The following LAMA2 variants were observed in gnomAD, a reference collection of about 807,000 sequenced individuals.
The protein encoded by LAMA2 is laminin subunit alpha-2.
LAMA2 carries 269 observed loss-of-function variants against 364.8 expected under a neutral mutation model. The observed-to-expected ratio is 0.74, with a 90% CI of 0.67 to 0.82. LAMA2 has a LOEUF of 0.82. Among genes scored for constraint, LAMA2 ranks in the 40% least tolerant of loss-of-function variants. The probability of loss-of-function intolerance (pLI) is 0.00; values close to 1 mark genes in which losing one functional copy is unlikely to be tolerated. For missense variants in LAMA2, 3,807 were observed against 3,873.2 expected (o/e 0.98, Z 0.45); for synonymous variants, 1,379 against 1,370.6 (o/e 1.01, Z -0.14).
chr6:129,079,370 A>G (rs1250298456), intron 3 of LAMA2, among the ~76,000 whole-genome samples: 3 of 142,998 alleles, frequency 2.1e-5, no homozygotes, highest in Non-Finnish European at 4.6e-5. Flanking sequence ...TATGGGCTTC[A>G]CGCATTGAAT....
chr6:129,328,176 G>A (rs748712686), intron 28 of LAMA2, 102 bp from the exon 29 acceptor site: 32 of 994,542 alleles, frequency 3.2e-5, no homozygotes, highest in Non-Finnish European at 4.8e-5. Context: ...CCTGCCGCAG[G>A]TGGGGGAAGG....
intron 31 of LAMA2, among the ~76,000 whole-genome samples, chr6:129,349,953 A>T (rs1776767920): frequency 6.6e-6 from 1 of 152,180 alleles, no homozygotes; most frequent in South Asian, 2.1e-4. Context: ...CTCTTACCAT[A>T]TTGCTTATGA....
At chr6:129,427,712 T>C in intron 40 of LAMA2, 40 bp from the exon 41 acceptor site, 1 of 1,448,184 alleles carries the variant, frequency 6.9e-7, no homozygotes, top group Non-Finnish European at 9.7e-7. Context: ...TCCATTATTC[T>C]ATGGTTTTAG....
At chr6:129,142,330 A>T (rs1341041010) in intron 4 of LAMA2, among the ~76,000 whole-genome samples, 1 of 151,894 alleles carries the variant, frequency 6.6e-6, no homozygotes, top group Non-Finnish European at 1.5e-5. Context: ...TTTGGTGAGG[A>T]CTGTTTCGGG....
chr6:129,144,596 A>T (rs1778322324), intron 5 of LAMA2, among the ~76,000 whole-genome samples: 2 of 151,986 alleles, frequency 1.3e-5, no homozygotes. Flanking sequence ...GTTATGATTC[A>T]GTAGGGCAGA....
At chr6:129,155,651 C>T (rs1779069443) in intron 8 of LAMA2, among the ~76,000 whole-genome samples, 1 of 152,002 alleles carries the variant, frequency 6.6e-6, no homozygotes. Context: ...GAAGTTCTAG[C>T]ACCATTTGTT....
Position 129,353,270 on chromosome 6 carries a change from G to A in LAMA2, c.4630G>A (p.Gly1544Arg), listed in dbSNP as rs374207670. The change falls in exon 32 of 65, where the codon GGA becomes AGA. Residue 1544 changes from glycine to arginine, a missense_variant. By Grantham distance (125) the Gly-to-Arg change is moderately radical. Around this residue, in one of 3 missense-constraint regions of LAMA2, gnomAD observed 3,333 missense variants for 3,345.7 expected, o/e 1.00. Transcript: ENST00000421865. The stretch of plus-strand genomic sequence containing the variant: ...GCCTGTGCCCTGTGACCCTGTCACA[G>A]GATTCTGCACGTGCCGACCTGGAGC... ...SLPVPCDPVT[G>R]FCTCRPGATG... 6.2e-7 allele frequency: 1 copy of A among 1,613,982 alleles called. No individual in the cohort carries two copies. The highest frequency in any genetic ancestry group is 8.5e-7 in the Non-Finnish European group (1 of 1,180,006).
At chr6:129,218,365 T>C (rs1046591308) in intron 12 of LAMA2, among the ~76,000 whole-genome samples, 1 of 152,152 alleles carries the variant, frequency 6.6e-6, no homozygotes, top group Non-Finnish European at 1.5e-5. Context: ...CAGTATTCAA[T>C]GAAATTATAT....
At chr6:129,363,047 G>A (rs1403645225) in intron 32 of LAMA2, among the ~76,000 whole-genome samples, 2 of 152,144 alleles carry the variant, frequency 1.3e-5, no homozygotes, top group South Asian at 2.1e-4. Context: ...AGTGGTTCAC[G>A]CCTATGATCC....
At chr6:129,402,037 G>A (rs537084583) in intron 38 of LAMA2, among the ~76,000 whole-genome samples, 12 of 151,924 alleles carry the variant, frequency 7.9e-5, no homozygotes, top group African/African-American at 2.2e-4. Context: ...GCGAAACCCC[G>A]TCTCTATTAA....
At chr6:129,141,537 G>A (rs1377610761) in intron 4 of LAMA2, among the ~76,000 whole-genome samples, 1 of 151,950 alleles carries the variant, frequency 6.6e-6, no homozygotes, top group East Asian at 1.9e-4. Flanking sequence ...TATTCTTTGT[G>A]ACACCAGAAT....
chr6:129,208,567 AAAGAAAGAG>A (rs1782847849), intron 12 of LAMA2, among the ~76,000 whole-genome samples: 1 of 151,234 alleles, frequency 6.6e-6, no homozygotes, highest in South Asian at 2.1e-4. Flanking sequence ...AAAGAAAGAG[AAAGAAAGAG>A]AAAGAAAGGA....
At chr6:129,304,349 C>A (rs371494802) in intron 22 of LAMA2, among the ~76,000 whole-genome samples, 162 of 152,226 alleles carry the variant, frequency 1.1e-3, no homozygotes, top group African/African-American at 3.5e-3. Context: ...CTGCCAGCTC[C>A]GCCTCCCGGG....
chr6:128,987,146 T>TG lies in LAMA2; in HGVS notation c.113-62772_113-62771insG, dbSNP rs977586325. The stretch of plus-strand genomic sequence containing the variant: ...AGTTTGTTTTTTTTTTTTTGTTTTT[T>TG]TTTTTTTTTTGAGGCAGAGTCTCTC... On this transcript the variant is annotated intron_variant, in intron 1 of 64. Coordinates refer to ENST00000421865, the MANE Select transcript of LAMA2 (RefSeq NM_000426.4). 1.5e-4 allele frequency among the ~76,000 whole-genome samples: 21 copies of TG among 144,824 alleles called. No individual in the cohort carries two copies. In the South Asian group the frequency reaches 2.7e-3, roughly 18 times the overall value.
chr6:129,459,720 G>C (rs138989915), intron 48 of LAMA2, among the ~76,000 whole-genome samples: 2 of 152,030 alleles, frequency 1.3e-5, no homozygotes, highest in Non-Finnish European at 2.9e-5. Flanking sequence ...AGGGGAAAAA[G>C]CTTTGTGTAT....
chr6:129,093,697 G>T (rs907805241), intron 3 of LAMA2, among the ~76,000 whole-genome samples: 2 of 152,194 alleles, frequency 1.3e-5, no homozygotes, highest in African/African-American at 4.8e-5. Context: ...GTAATTAAAT[G>T]ATATTTTGTT....
At chr6:129,394,365 G>A (rs1408957889) in intron 37 of LAMA2, among the ~76,000 whole-genome samples, 4 of 152,166 alleles carry the variant, frequency 2.6e-5, no homozygotes, top group Non-Finnish European at 5.9e-5. Flanking sequence ...AATCAACCAG[G>A]ATTTTTTAAA....
chr6:129,006,108 A>G (rs1784431108), intron 1 of LAMA2, among the ~76,000 whole-genome samples: 1 of 152,110 alleles, frequency 6.6e-6, no homozygotes, highest in South Asian at 2.1e-4. Context: ...GCAGTTTATC[A>G]TAAAGATTCA....
intron 11 of LAMA2, among the ~76,000 whole-genome samples, chr6:129,191,459 C>T (rs931678161): frequency 6.6e-6 from 1 of 152,152 alleles, no homozygotes; most frequent in African/African-American, 2.4e-5. Context: ...TATAAAGTCC[C>T]ACCCCACCCT....
Sources: gnomAD v4.1 joint callset for allele counts (sites outside exome capture counted in the v4.1 genomes callset) on GRCh38, gnomAD v4.1.1 for gene constraint, gnomAD v4.1.1 regional missense constraint, MANE v1.5 for transcripts, NCBI Gene and HGNC (gene_info 2026-07-23, HGNC 2026-07-21) for gene names.